The following NPAT variants were observed in gnomAD, a reference collection of about 807,000 sequenced individuals.
NPAT encodes nuclear protein, coactivator of histone transcription, also known as protein NPAT.
In NPAT, 52 loss-of-function variants were observed where a neutral mutation model predicts 130.7. The observed-to-expected ratio is 0.40, with a 90% CI of 0.32 to 0.50. NPAT has a LOEUF of 0.50. Ranked by LOEUF, NPAT falls within the 20% of genes least tolerant of loss-of-function variation. The pLI, the probability that NPAT is intolerant of heterozygous loss-of-function variation, is 0.68. For missense variants in NPAT, 1,687 were observed against 1,662.6 expected, an observed-to-expected ratio of 1.01 and a Z score of -0.26; for synonymous variants, 580 against 584.8, an observed-to-expected ratio of 0.99 and a Z score of 0.12.
At chr11:108,200,091 AT>A (rs1306426443) in intron 1 of NPAT, among the ~76,000 whole-genome samples, 4 of 152,208 alleles carry the variant, frequency 2.6e-5, no homozygotes, top group African/African-American at 4.8e-5. Flanking sequence ...TGTTGAAGGA[AT>A]CCATTTGCAT....
chr11:108,186,662 T>A, intron 7 of NPAT, 93 bp from the exon 8 acceptor site: 1 of 1,032,048 alleles, frequency 9.7e-7, no homozygotes, highest in South Asian at 1.3e-5. Context: ...AAGATCACCA[T>A]AACAGAACAG....
At chr11:108,185,521 A>C (rs2078098877) in intron 8 of NPAT, 27 bp from the exon 9 acceptor site, 1 of 1,357,678 alleles carries the variant, frequency 7.4e-7, no homozygotes, top group Non-Finnish European at 1.1e-6. Flanking sequence ...CTGTTAGCAA[A>C]AGGACAATAA....
In NPAT at chr11:108,197,320, A is replaced by C. The variant is rs765977026; in HGVS notation, c.138T>G (p.Phe46Leu). The C allele has an allele frequency of 3.6e-5, 57 of 1,603,786 alleles. No homozygotes were observed. The highest frequency in any genetic ancestry group is 4.5e-5 in the Non-Finnish European group (53 of 1,170,716). The change falls in exon 2 of 18, where the codon TTT becomes TTG. Residue 46 changes from phenylalanine to leucine, a missense_variant. Transcript: ENST00000278612. ...AACTCACCAGTAAGCAGGCTGGAATAAACCCTTCATCTGTACAATGTTCTG... is the reference window on the plus strand; with the variant it reads ...AACTCACCAGTAAGCAGGCTGGAATCAACCCTTCATCTGTACAATGTTCTG... ...EYAEHCTDEG[F>L]IPACLLSLFG...
intron 7 of NPAT, among the ~76,000 whole-genome samples, chr11:108,187,257 C>G (rs889019645): frequency 2.6e-5 from 4 of 152,122 alleles, no homozygotes; most frequent in African/African-American, 4.8e-5. Flanking sequence ...TTCAGACCAG[C>G]CTGGGCAACA....
intron 1 of NPAT, among the ~76,000 whole-genome samples, chr11:108,210,735 G>C (rs557392434): frequency 6.6e-6 from 1 of 152,302 alleles, no homozygotes; most frequent in East Asian, 1.9e-4. Flanking sequence ...CTCTCACGAG[G>C]AAAAGCCCAA....
intron 4 of NPAT, 120 bp downstream of exon 4, chr11:108,191,998 T>C (rs1189046740): frequency 1.3e-6 from 1 of 771,722 alleles, no homozygotes. Context: ...CAGCAACCTC[T>C]AGAGTAATTT....
chr11:108,212,676 G>A (rs1352773948), intron 1 of NPAT, among the ~76,000 whole-genome samples: 1 of 151,838 alleles, frequency 6.6e-6, no homozygotes, highest in African/African-American at 2.4e-5. Context: ...CAGGCACCAC[G>A]GCTCATACCT....
In NPAT at chr11:108,170,015, G is replaced by A. The variant is rs1206520031; in HGVS notation, c.2814C>T (p.Val938=). ...QGSAIIIASP[V]QPVLQGMVGM... is the part of the protein sequence containing the mutation. ...CTACCATTCCTTGGAGTACAGGCTG[G>A]ACTGGAGAGGCAATTATTATGGCAG... Residue 938 remains valine, a synonymous_variant, in exon 14 of 18, where the codon GTC becomes GTT. Transcript: ENST00000278612. 1 of 1,612,916 alleles carries A rather than the reference G, an allele frequency of 6.2e-7. No individual in the cohort carries two copies.
chr11:108,187,803 T>A (rs2078122183), intron 7 of NPAT, among the ~76,000 whole-genome samples: 1 of 152,038 alleles, frequency 6.6e-6, no homozygotes, highest in African/African-American at 2.4e-5. Context: ...TTAAAAAACA[T>A]GGATTGCAAA....
intron 3 of NPAT, 93 bp downstream of exon 3, chr11:108,193,864 A>T: frequency 2.6e-6 from 2 of 777,824 alleles, no homozygotes; most frequent in Non-Finnish European, 4.3e-6. Flanking sequence ...GGCTTTTATG[A>T]GACATTAATA....
At chr11:108,202,473 C>T (rs1480621658) in intron 1 of NPAT, among the ~76,000 whole-genome samples, 1 of 151,586 alleles carries the variant, frequency 6.6e-6, no homozygotes, top group African/African-American at 2.4e-5. Flanking sequence ...ACACACCTTT[C>T]AGCCCTCGGG....
At chr11:108,192,803 T>A (rs612706) in intron 3 of NPAT, among the ~76,000 whole-genome samples, 117,637 of 151,974 alleles carry the variant, frequency 0.77, 45,996 homozygotes, top group African/African-American at 0.88. Flanking sequence ...AAAACACAAA[T>A]ATTAGCTGGG....
Position 108,161,082 on chromosome 11 carries a change from A to G in NPAT, c.4004T>C (p.Leu1335Ser). ...ENSVNMAAHT[L>S]MILSRAAISR... Reference sequence around the variant, plus strand: ...AATGGCTGCCCTGGAGAGAATCATTAATGTGTGGGCAGCCATATTTACACT... The same window carrying G: ...AATGGCTGCCCTGGAGAGAATCATTGATGTGTGGGCAGCCATATTTACACT... The change falls in exon 17 of 18, where the codon TTA becomes TCA. Residue 1335 changes from leucine (L) to serine (S), a missense_variant. Physicochemically the swap from Leu to Ser is moderately radical, Grantham distance 145. Around this residue, in one of 3 missense-constraint regions of NPAT, gnomAD observed 1,379 missense variants for 1,346.6 expected, o/e 1.02. Coordinates refer to ENST00000278612, the MANE Select transcript of NPAT (RefSeq NM_002519.3). The G allele has an allele frequency of 6.2e-7, 1 of 1,614,098 alleles. No individual in the cohort carries two copies. The highest frequency in any genetic ancestry group is 8.5e-7 in the Non-Finnish European group (1 of 1,180,014).
intron 5 of NPAT, among the ~76,000 whole-genome samples, chr11:108,189,883 A>C (rs2078149568): frequency 6.6e-6 from 1 of 151,478 alleles, no homozygotes. Context: ...AAAAAAAAAA[A>C]ACAAAAAACA....
intron 1 of NPAT, among the ~76,000 whole-genome samples, chr11:108,212,406 T>C (rs1441233922): frequency 6.6e-6 from 1 of 150,948 alleles, no homozygotes; most frequent in Non-Finnish European, 1.5e-5. Flanking sequence ...ATGCCTGTAA[T>C]GCCAACTACT....
intron 1 of NPAT, among the ~76,000 whole-genome samples, chr11:108,198,240 CATTAT>C (rs1223122065): frequency 1.3e-5 from 2 of 152,144 alleles, no homozygotes; most frequent in African/African-American, 4.8e-5. Context: ...AGAGTTGTCA[CATTAT>C]ATTATTTAAA....
chr11:108,176,772 C>T (rs763852544), intron 11 of NPAT, among the ~76,000 whole-genome samples: 2 of 152,066 alleles, frequency 1.3e-5, no homozygotes, highest in African/African-American at 2.4e-5. Flanking sequence ...GGCAAAAATG[C>T]CACAAAAATA....
chr11:108,211,344 C>A (rs533145717), intron 1 of NPAT, among the ~76,000 whole-genome samples: 3 of 125,832 alleles, frequency 2.4e-5, no homozygotes, highest in East Asian at 4.7e-4. Context: ...GAGTTCCAGA[C>A]CAGCCTGGGC....
Position 108,173,204 on chromosome 11 carries a change from T to C in NPAT, c.1780A>G (p.Asn594Asp). 1 of 1,613,784 alleles carries C rather than the reference T, an allele frequency of 6.2e-7. No individual in the cohort carries two copies. The highest frequency in any genetic ancestry group is 8.5e-7 in the Non-Finnish European group (1 of 1,179,900). The change falls in exon 13 of 18, where the codon AAT (asparagine) becomes GAT (aspartate). Residue 594 changes from asparagine to aspartate, a missense_variant. Around this residue, in one of 3 missense-constraint regions of NPAT, gnomAD observed 1,379 missense variants for 1,346.6 expected, o/e 1.02. Coordinates refer to ENST00000278612, the MANE Select transcript of NPAT (RefSeq NM_002519.3). Reference sequence around the variant, plus strand: ...TGAAGACAAGAATTATCTTGGCAATTTGATAGCTGTGACATAACTGGTTCT... The same window carrying C: ...TGAAGACAAGAATTATCTTGGCAATCTGATAGCTGTGACATAACTGGTTCT... Reference protein sequence around the residue: ...VLEPVMSQLSNCQDNSCLQSE... With the variant: ...VLEPVMSQLSDCQDNSCLQSE...
Sources: gnomAD v4.1 joint callset for allele counts (sites outside exome capture counted in the v4.1 genomes callset) on GRCh38, gnomAD v4.1.1 for gene constraint, gnomAD v4.1.1 regional missense constraint, MANE v1.5 for transcripts, NCBI Gene and HGNC (gene_info 2026-07-23, HGNC 2026-07-21) for gene names.